Variants in GAS2L1 observed in about 807,000 individuals in gnomAD.
GAS2L1 encodes growth arrest specific 2 like 1, also known as GAS2-like protein 1.
Under a neutral mutation model 44.0 loss-of-function variants are expected in GAS2L1, and 26 were observed. The ratio of observed to expected loss-of-function variants is 0.59; its 90% confidence interval spans 0.43 to 0.82. The LOEUF (loss-of-function observed/expected upper bound fraction) is 0.82, where lower values mean the gene tolerates loss of function less well. Among genes scored for constraint, GAS2L1 ranks in the 40% least tolerant of loss-of-function variants. GAS2L1 has a pLI of 0.00. For synonymous variants in GAS2L1, 426 were observed against 415.9 expected (o/e 1.02, Z -0.30); for missense variants, 1,006 against 983.0 (o/e 1.02, Z -0.31).
chr22:29,308,584 T>A (rs573277869), exon 1 of GAS2L1: 4 of 1,600,046 alleles, frequency 2.5e-6, no homozygotes, highest in Non-Finnish European at 3.4e-6. Flanking sequence ...CTCGTGCAGT[T>A]TGAGCAGGAG....
At chr22:29,311,500 G>T in exon 5 of GAS2L1, 1 of 1,510,064 alleles carries the variant, frequency 6.6e-7, no homozygotes. Flanking sequence ...CGCTCCCGCC[G>T]CTACTCCGGG....
exon 5 of GAS2L1, chr22:29,312,411 C>T (rs1054120486): frequency 3.2e-6 from 5 of 1,564,084 alleles, no homozygotes; most frequent in East Asian, 2.3e-5. Flanking sequence ...TCGGGGCCCC[C>T]GCCGCCCCTC....
At chr22:29,311,258 C>T in intron 4 of GAS2L1, 4 of 582,188 alleles carry the variant, frequency 6.9e-6, no homozygotes, top group South Asian at 6.6e-5. Flanking sequence ...TGTCTAGAGC[C>T]CAGGAAACTT....
Position 29,311,690 on chromosome 22 carries a change from G to GC in GAS2L1, c.1243dup (p.Arg415ProfsTer119). The GC allele has an allele frequency of 6.6e-7, 1 of 1,523,220 alleles. No homozygotes were observed. Among genetic ancestry groups the GC allele is most frequent in the South Asian group, 1.2e-5 (1 of 82,600 alleles). The allele number at this position is 1,523,220 out of a possible 1,614,324, so 94.4% of individuals were successfully genotyped here. ...CCCGAGACCGGCTGGATCGCGGCCG[G>GC]CCCCGGGGGGCCCCAGGAGGCAGGG... On this transcript the variant is annotated frameshift_variant, in exon 5 of 5. Transcript: ENST00000618518. LOFTEE classifies it high-confidence loss of function.
chr22:29,311,890 C>T, exon 5 of GAS2L1: 2 of 1,600,302 alleles, frequency 1.2e-6, no homozygotes, highest in South Asian at 1.1e-5. Context: ...GCCCGCAGCC[C>T]TGCAGCACCC....
chr22:29,311,990 G>T, exon 5 of GAS2L1: 2 of 1,611,096 alleles, frequency 1.2e-6, no homozygotes, highest in Non-Finnish European at 1.7e-6. Flanking sequence ...ACCCGCAGCA[G>T]GAGCAGCAGC....
At chr22:29,308,409 A>G (rs2061370748) in exon 1 of GAS2L1, 1 of 1,608,488 alleles carries the variant, frequency 6.2e-7, no homozygotes, top group Non-Finnish European at 8.5e-7. Context: ...GGCGCGCGAC[A>G]ACGTGGCCAC....
chr22:29,309,966 G>T (rs1014601193), intron 1 of GAS2L1, among the ~76,000 whole-genome samples: 1 of 152,172 alleles, frequency 6.6e-6, no homozygotes, highest in Non-Finnish European at 1.5e-5. Flanking sequence ...GGGAGCCGGT[G>T]AAAGGTCATG....
exon 5 of GAS2L1, chr22:29,311,584 C>T (rs1358686959): frequency 1.3e-6 from 2 of 1,541,262 alleles, no homozygotes; most frequent in Non-Finnish European, 1.7e-6. Context: ...GGCACTGGCC[C>T]CCGGAGGGAG....
At chr22:29,311,495 C>T in exon 5 of GAS2L1, 1 of 1,511,822 alleles carries the variant, frequency 6.6e-7, no homozygotes, top group Non-Finnish European at 8.9e-7. Context: ...ATCCCCGCTC[C>T]CGCCGCTACT....
chr22:29,309,063 C>G (rs7291055), intron 1 of GAS2L1, among the ~76,000 whole-genome samples: 1 of 152,218 alleles, frequency 6.6e-6, no homozygotes, highest in Non-Finnish European at 1.5e-5. Context: ...GCCGCATGAT[C>G]GGGGCGCCTC....
At chr22:29,312,130 A>G (rs2061416197) in exon 5 of GAS2L1, 2 of 1,612,574 alleles carry the variant, frequency 1.2e-6, no homozygotes, top group African/African-American at 1.3e-5. Context: ...GACTCTGCCT[A>G]TTGTTCCTCC....
exon 4 of GAS2L1, chr22:29,310,837 A>G: frequency 6.2e-7 from 1 of 1,609,408 alleles, no homozygotes; most frequent in Non-Finnish European, 8.5e-7. Flanking sequence ...CTCATCGCCC[A>G]CCCCAGCCGA....
chr22:29,312,465 AC>A lies in GAS2L1; in HGVS notation c.2018del (p.Pro673ArgfsTer29), dbSNP rs1171676523. 4.0e-6 allele frequency: 6 copies of A among 1,515,202 alleles called. No individual in the cohort carries two copies. The allele number at this position is 1,515,202 out of a possible 1,614,324, so 93.9% of individuals were successfully genotyped here. On this transcript the variant is annotated frameshift_variant, in exon 5 of 5. Coordinates refer to ENST00000618518, the Ensembl canonical transcript of GAS2L1. LOFTEE classifies it high-confidence loss of function. The stretch of plus-strand genomic sequence containing the variant: ...GACATGGCATGCCCTGCACTCAGTC[AC>A]CCCGAGGGCTGAGCCAGATTCCTGG...
At chr22:29,310,197 G>A (rs1016981021) in intron 1 of GAS2L1, 3 of 231,610 alleles carry the variant, frequency 1.3e-5, no homozygotes, top group Admixed American at 5.3e-5. Flanking sequence ...AGACGAGATC[G>A]TGCTATTGCA....
intron 1 of GAS2L1, 168 bp from the exon 3 acceptor site, chr22:29,310,271 A>AT: frequency 2.4e-6 from 1 of 409,408 alleles, no homozygotes. Flanking sequence ...AAAAAAATAA[A>AT]AAAAATAAAA....
chr22:29,312,776 T>C (rs1409279419), exon 5 of GAS2L1: 1 of 343,886 alleles, frequency 2.9e-6, no homozygotes, highest in Admixed American at 4.4e-5. Flanking sequence ...CAGTAAAGTT[T>C]TGCTCCAGCC....
At chr22:29,308,380 T>C (rs1449230260) in exon 1 of GAS2L1, 1 of 1,609,446 alleles carries the variant, frequency 6.2e-7, no homozygotes, top group African/African-American at 1.3e-5. Context: ...GCGCACAGTG[T>C]AGTGCCTGGC....
exon 1 of GAS2L1, chr22:29,308,659 C>A (rs1392278923): frequency 6.5e-7 from 1 of 1,547,744 alleles, no homozygotes. Flanking sequence ...GAGGACACCA[C>A]TGAAACCGCC....
Sources: allele counts gnomAD v4.1 joint callset (sites outside exome capture counted in the v4.1 genomes callset), GRCh38; gene constraint gnomAD v4.1.1; transcripts MANE v1.5; gene names NCBI Gene and HGNC (gene_info 2026-07-23, HGNC 2026-07-21).